The following SIPA1L3 variants were observed in gnomAD, a reference collection of about 807,000 sequenced individuals.
SIPA1L3 encodes the protein signal-induced proliferation-associated 1-like protein 3.
A neutral mutation model predicts 150.1 loss-of-function variants in SIPA1L3; 59 were observed. The observed-to-expected ratio is 0.39, with a 90% CI of 0.32 to 0.49. The LOEUF (loss-of-function observed/expected upper bound fraction) is 0.49, where lower values mean the gene tolerates loss of function less well. Ranked by LOEUF, SIPA1L3 falls within the 20% of genes least tolerant of loss-of-function variation. SIPA1L3 has a pLI of 0.86. For missense variants in SIPA1L3, 2,211 were observed against 2,489.5 expected (o/e 0.89, Z 2.38); for synonymous variants, 1,070 against 1,077.6 (o/e 0.99, Z 0.14).
At chr19:38,111,167 G>A (rs1423999321) in intron 8 of SIPA1L3, among the ~76,000 whole-genome samples, 2 of 151,776 alleles carry the variant, frequency 1.3e-5, no homozygotes, top group African/African-American at 4.8e-5. Flanking sequence ...TGGAACTACA[G>A]GTGCACACCC....
chr19:37,977,210 G>C (rs753976621), intron 1 of SIPA1L3, among the ~76,000 whole-genome samples: 7 of 151,922 alleles, frequency 4.6e-5, no homozygotes, highest in Non-Finnish European at 1.0e-4. Flanking sequence ...TGTCGCCCAG[G>C]CTGGAGTGCA....
chr19:38,039,555 G>C (rs569428194), intron 2 of SIPA1L3, among the ~76,000 whole-genome samples: 1 of 151,816 alleles, frequency 6.6e-6, no homozygotes, highest in African/African-American at 2.4e-5. Flanking sequence ...TTAGCCTGAC[G>C]TGGTGGCACG....
At chr19:38,013,746 T>C (rs1009684575) in intron 1 of SIPA1L3, among the ~76,000 whole-genome samples, 1 of 152,226 alleles carries the variant, frequency 6.6e-6, no homozygotes, top group African/African-American at 2.4e-5. Context: ...TGCAGCATTG[T>C]TTGCAGTGGC....
chr19:38,008,902 C>G (rs1360883326), intron 1 of SIPA1L3, among the ~76,000 whole-genome samples: 2 of 152,096 alleles, frequency 1.3e-5, no homozygotes, highest in Non-Finnish European at 2.9e-5. Context: ...GGAATACTAG[C>G]TGGGTCTCTT....
chr19:38,021,081 G>A (rs1028593898), intron 1 of SIPA1L3, among the ~76,000 whole-genome samples: 10 of 152,258 alleles, frequency 6.6e-5, no homozygotes, highest in Non-Finnish European at 1.2e-4. Context: ...GATTACAGGC[G>A]TGAGCCACCG....
At chr19:37,956,487 G>GTT (rs61220966) in intron 1 of SIPA1L3, among the ~76,000 whole-genome samples, 1,750 of 133,542 alleles carry the variant, frequency 0.013, 48 homozygotes, top group African/African-American at 0.031. Context: ...TAAAAGTTTT[G>GTT]TTTTTTTTTT....
At chr19:37,974,245 G>T (rs1034283809) in intron 1 of SIPA1L3, among the ~76,000 whole-genome samples, 11 of 152,166 alleles carry the variant, frequency 7.2e-5, no homozygotes, top group Non-Finnish European at 1.6e-4. Context: ...TTGTGGCTGG[G>T]CATGATGGCT....
At chr19:37,986,824 A>G (rs768100864) in intron 1 of SIPA1L3, among the ~76,000 whole-genome samples, 5 of 152,140 alleles carry the variant, frequency 3.3e-5, no homozygotes, top group Admixed American at 6.5e-5. Context: ...CTCTGAATTC[A>G]GGGGCATTCA....
rs548415075 is a variant in SIPA1L3 at position 38,155,453 on chromosome 19, G to A, written c.3661+2486G>A. On this transcript the variant is annotated intron_variant, in intron 13 of 21. Coordinates refer to ENST00000222345, the MANE Select transcript of SIPA1L3 (RefSeq NM_015073.3). ...GCTAAGATTTGAGCATCTTCTCAAT[G>A]TGTCTTCCCCATTATTAATCATGTT... Among the ~76,000 whole-genome samples the A allele has an allele frequency of 1.0e-3, 152 of 152,302 alleles. 1 individual carries two copies. Among genetic ancestry groups the A allele is most frequent in the African/African-American group, 3.4e-3 (141 of 41,554 alleles).
chr19:38,078,173 C>G (rs1480449360), intron 2 of SIPA1L3, among the ~76,000 whole-genome samples: 1 of 152,082 alleles, frequency 6.6e-6, no homozygotes, highest in African/African-American at 2.4e-5. Flanking sequence ...TTCCAGCTTC[C>G]TCTCTCTTCT....
At chr19:38,128,854 G>A (rs1971240234) in intron 9 of SIPA1L3, among the ~76,000 whole-genome samples, 2 of 151,916 alleles carry the variant, frequency 1.3e-5, no homozygotes, top group Admixed American at 1.3e-4. Context: ...CTGAGATCGG[G>A]CCACTGCACT....
intron 2 of SIPA1L3, among the ~76,000 whole-genome samples, chr19:38,059,239 A>G (rs1310747458): frequency 6.7e-6 from 1 of 148,684 alleles, no homozygotes; most frequent in Non-Finnish European, 1.5e-5. Context: ...GGCTCAAGCT[A>G]TGCTCACTGC....
chr19:38,082,545 C>A lies in SIPA1L3; in HGVS notation c.980C>A (p.Pro327His). 1 of 1,601,878 alleles carries A rather than the reference C, an allele frequency of 6.2e-7. No homozygotes were observed. Among genetic ancestry groups the A allele is most frequent in the Non-Finnish European group, 8.5e-7 (1 of 1,175,892 alleles). The change falls in exon 3 of 22, where the codon CCC becomes CAC. Residue 327 changes from proline to histidine, a missense_variant. Transcript: ENST00000222345. ...GGGGAGGCCGACGAGGGCCGGAGCC[C>A]CCCGGAAGCCAGCAGGCCGTGGGTG... ...SPGEADEGRSPPEASRPWVCQ... is the reference protein window; with the variant it reads ...SPGEADEGRSHPEASRPWVCQ...
intron 1 of SIPA1L3, among the ~76,000 whole-genome samples, chr19:37,924,841 G>A (rs1054637214): frequency 2.0e-5 from 3 of 151,450 alleles, no homozygotes; most frequent in African/African-American, 7.3e-5. Flanking sequence ...CTGAGATCAG[G>A]AGTTCTAGAC....
At chr19:38,074,565 C>T (rs369134914) in intron 2 of SIPA1L3, among the ~76,000 whole-genome samples, 7 of 152,332 alleles carry the variant, frequency 4.6e-5, no homozygotes, top group Admixed American at 2.6e-4. Context: ...CCCAGCACAG[C>T]GGACTGTGGG....
intron 1 of SIPA1L3, among the ~76,000 whole-genome samples, chr19:38,005,613 C>G (rs948947971): frequency 7.9e-5 from 12 of 152,216 alleles, no homozygotes; most frequent in African/African-American, 2.7e-4. Flanking sequence ...CAGGGCTTCC[C>G]CCTCCCCTTA....
intron 1 of SIPA1L3, among the ~76,000 whole-genome samples, chr19:37,984,447 G>A (rs1010804627): frequency 3.3e-5 from 5 of 152,086 alleles, no homozygotes; most frequent in East Asian, 1.9e-4. Context: ...AGCTCACAAC[G>A]AGTGCCAAGC....
At chr19:38,034,498 T>C (rs1262092231) in intron 2 of SIPA1L3, among the ~76,000 whole-genome samples, 1 of 151,358 alleles carries the variant, frequency 6.6e-6, no homozygotes, top group Non-Finnish European at 1.5e-5. Context: ...CCACTACACT[T>C]TGTTGCCTCA....
intron 2 of SIPA1L3, among the ~76,000 whole-genome samples, chr19:38,039,155 T>A (rs1316091680): frequency 6.6e-6 from 1 of 152,046 alleles, no homozygotes; most frequent in African/African-American, 2.4e-5. Context: ...AGTGCTAGGA[T>A]TACAGGCATG....
Sources: allele counts gnomAD v4.1 joint callset (sites outside exome capture counted in the v4.1 genomes callset), GRCh38; gene constraint gnomAD v4.1.1; transcripts MANE v1.5; gene names NCBI Gene and HGNC (gene_info 2026-07-23, HGNC 2026-07-21).